Variants in TMEM38B observed in about 807,000 individuals in gnomAD.
The protein encoded by TMEM38B is trimeric intracellular cation channel type B.
TMEM38B carries 24 observed loss-of-function variants against 28.7 expected under a neutral mutation model. That is an observed-to-expected ratio of 0.84 (90% CI 0.61 to 1.18). The LOEUF is 1.18. TMEM38B is among the 50% of genes most tolerant of loss of function. The probability of loss-of-function intolerance (pLI) is 0.00; values close to 1 mark genes in which losing one functional copy is unlikely to be tolerated. For synonymous variants in TMEM38B, 131 were observed against 127.7 expected, an observed-to-expected ratio of 1.03 and a Z score of -0.17; for missense variants, 380 against 350.9, an observed-to-expected ratio of 1.08 and a Z score of -0.66.
chr9:105,758,900 T>C (rs956288054), intron 5 of TMEM38B: 9 of 1,187,672 alleles, frequency 7.6e-6, no homozygotes, highest in Admixed American at 3.4e-5. Context: ...TTTGGAGATA[T>C]GTTATTCTGA....
At chr9:105,761,201 C>G (rs1276827119) in intron 5 of TMEM38B, among the ~76,000 whole-genome samples, 2 of 152,166 alleles carry the variant, frequency 1.3e-5, no homozygotes, top group Non-Finnish European at 2.9e-5. Flanking sequence ...TTTGAAAACT[C>G]AGTGAGATAA....
intron 4 of TMEM38B, among the ~76,000 whole-genome samples, chr9:105,740,084 T>G (rs1837139613): frequency 6.6e-6 from 1 of 152,006 alleles, no homozygotes; most frequent in African/African-American, 2.4e-5. Flanking sequence ...GGTTTCACCA[T>G]GTTGGCCAGG....
At position 105,772,766 on chromosome 9, in the gene TMEM38B, GT is replaced by G. The variant is rs1259102027; in HGVS notation, c.661-1094del. Among the ~76,000 whole-genome samples the G allele has an allele frequency of 3.3e-5, 5 of 152,028 alleles. No individual in the cohort carries two copies. In the South Asian group the frequency reaches 1.0e-3, roughly 32 times the overall value. The stretch of plus-strand genomic sequence containing the variant: ...CTCTCACAATGTTGTGTGTGGATGT[GT>G]TTTTAATTTATATAAATGATAGTAC... On this transcript the variant is annotated intron_variant, in intron 5 of 5. Coordinates refer to ENST00000374692, the MANE Select transcript of TMEM38B (RefSeq NM_018112.3).
At chr9:105,699,571 T>C (rs1835396407) in intron 1 of TMEM38B, among the ~76,000 whole-genome samples, 1 of 152,212 alleles carries the variant, frequency 6.6e-6, no homozygotes, top group Non-Finnish European at 1.5e-5. Context: ...TTAACTCTTT[T>C]CTGCCTAAGG....
At chr9:105,731,452 C>T (rs535961411) in intron 4 of TMEM38B, among the ~76,000 whole-genome samples, 2 of 152,096 alleles carry the variant, frequency 1.3e-5, no homozygotes, top group South Asian at 2.1e-4. Flanking sequence ...CTATCCCTTC[C>T]CCCTCCCTCT....
In TMEM38B at chr9:105,747,908, G is replaced by C. The variant is rs184653840; in HGVS notation, c.543-165G>C. On this transcript the variant is annotated intron_variant, in intron 4 of 5. Coordinates refer to ENST00000374692, the MANE Select transcript of TMEM38B (RefSeq NM_018112.3). ...AGTTTTGAGTGAGTTTCTTAATCCT[G>C]TAACTCAGCACTTTCAACACTTTTT... Among the ~76,000 whole-genome samples the C allele has an allele frequency of 1.1e-4, 17 of 152,222 alleles. No homozygotes were observed. In the East Asian group the frequency reaches 1.4e-3, roughly 12 times the overall value.
intron 2 of TMEM38B, among the ~76,000 whole-genome samples, chr9:105,720,572 T>A (rs1836279267): frequency 6.6e-6 from 1 of 152,124 alleles, no homozygotes; most frequent in South Asian, 2.1e-4. Flanking sequence ...GACTATTGTA[T>A]CTTTTTATTT....
chr9:105,719,100 C>A (rs573216785), intron 2 of TMEM38B, among the ~76,000 whole-genome samples: 11 of 152,142 alleles, frequency 7.2e-5, no homozygotes, highest in Non-Finnish European at 1.5e-4. Flanking sequence ...AATGACTAAG[C>A]CTGGGAAGCT....
At position 105,774,095 on chromosome 9, in the gene TMEM38B, C is replaced by CTCTA. The variant is rs1564423123; in HGVS notation, c.*16_*19dup. 6.2e-7 allele frequency: 1 copy of CTCTA among 1,606,086 alleles called. No individual in the cohort carries two copies. Among genetic ancestry groups the CTCTA allele is most frequent in the Non-Finnish European group, 8.5e-7 (1 of 1,176,576 alleles). ...AGAATGAATAAATTTACGTGATGAG[C>CTCTA]TCTACAAGGCCAAAAATTTTTTTTC... On this transcript the variant is annotated 3_prime_UTR_variant, in exon 6 of 6. Transcript: ENST00000374692.
At position 105,721,581 on chromosome 9, in the gene TMEM38B, A is replaced by G. The variant is rs1836320347; in HGVS notation, c.314A>G (p.Tyr105Cys). The G allele has an allele frequency of 2.5e-6, 4 of 1,612,946 alleles. No homozygotes were observed. In the African/African-American group the frequency reaches 4.0e-5, roughly 16 times the overall value. The change falls in exon 3 of 6, where the codon TAT becomes TGT. Residue 105 changes from tyrosine to cysteine, a missense_variant. Physicochemically the swap from Tyr to Cys is radical, Grantham distance 194. Transcript: ENST00000374692. ...FCPHDLVSQG[Y>C]SYLPVQLLAS... ...CCGCATGACCTAGTTTCCCAGGGCT[A>G]TTCATATCTACCTGTTCAACTACTG...
chr9:105,774,714 A>G lies in TMEM38B; in HGVS notation c.*634A>G, dbSNP rs1362028576. Reference sequence around the variant, plus strand: ...ATTTTCTACTAGAAGTAGTTTTACTACTTTTCATTTAGAACAGAGTATGAG... The same window carrying G: ...ATTTTCTACTAGAAGTAGTTTTACTGCTTTTCATTTAGAACAGAGTATGAG... On this transcript the variant is annotated 3_prime_UTR_variant, in exon 6 of 6. Coordinates refer to ENST00000374692, the MANE Select transcript of TMEM38B (RefSeq NM_018112.3). 2 of 152,008 alleles carry G rather than the reference A, an allele frequency of 1.3e-5. No individual in the cohort carries two copies. Among genetic ancestry groups the G allele is most frequent in the Non-Finnish European group, 2.9e-5 (2 of 67,936 alleles). 9.4% of individuals were successfully genotyped at this position (152,008 alleles called of 1,614,324 possible).
At position 105,748,063 on chromosome 9, in the gene TMEM38B, T is replaced by A. The variant is rs778527358; in HGVS notation, c.543-10T>A. 1.3e-6 allele frequency: 2 copies of A among 1,592,126 alleles called. No individual in the cohort carries two copies. The highest frequency in any genetic ancestry group is 2.7e-5 in the African/African-American group (2 of 74,372). On this transcript the variant is annotated splice_polypyrimidine_tract_variant and intron_variant, in intron 4 of 5. Transcript: ENST00000374692. ...ATTACTTGCTGATTTAAAATGTGTT[T>A]TATTTTCAGCCCTGCCAAGGTAACC...
chr9:105,716,680 G>T (rs1836112055), intron 2 of TMEM38B, among the ~76,000 whole-genome samples: 1 of 111,042 alleles, frequency 9.0e-6, no homozygotes, highest in Admixed American at 9.2e-5. Context: ...CCACCCCTGA[G>T]ATAGCAAGAC....
chr9:105,732,210 A>C (rs966283482), intron 4 of TMEM38B, among the ~76,000 whole-genome samples: 1 of 151,920 alleles, frequency 6.6e-6, no homozygotes, highest in Non-Finnish European at 1.5e-5. Context: ...GGATATTAGC[A>C]CTTTGTCAGA....
chr9:105,711,426 C>T (rs1280061556), intron 2 of TMEM38B, among the ~76,000 whole-genome samples: 4 of 149,150 alleles, frequency 2.7e-5, no homozygotes, highest in Non-Finnish European at 5.9e-5. Flanking sequence ...GAGTAACAGA[C>T]CTAGACTCTG....
At chr9:105,759,871 A>G (rs545809442) in intron 5 of TMEM38B, 1 of 1,590,846 alleles carries the variant, frequency 6.3e-7, no homozygotes, top group South Asian at 1.2e-5. Context: ...AAGAAGTAGT[A>G]CAAGAAGGAA....
intron 5 of TMEM38B, 152 bp downstream of exon 5, chr9:105,748,342 A>G (rs1169228187): frequency 1.7e-6 from 1 of 596,036 alleles, no homozygotes; most frequent in Non-Finnish European, 2.9e-6. Flanking sequence ...CACATCCATG[A>G]CTTTCTGAAA....
chr9:105,697,727 A>G (rs971708491), intron 1 of TMEM38B, among the ~76,000 whole-genome samples: 2 of 152,114 alleles, frequency 1.3e-5, no homozygotes, highest in African/African-American at 4.8e-5. Flanking sequence ...CTTTTATTGC[A>G]GAAGTTTAAA....
intron 4 of TMEM38B, among the ~76,000 whole-genome samples, chr9:105,725,976 CCTTTA>C (rs1330000528): frequency 4.0e-5 from 6 of 151,634 alleles, no homozygotes; most frequent in Admixed American, 2.6e-4. Flanking sequence ...AAAAAATTTC[CCTTTA>C]CTTATTTTTA....
Sources: gnomAD v4.1 joint callset for allele counts (sites outside exome capture counted in the v4.1 genomes callset) on GRCh38, gnomAD v4.1.1 for gene constraint, MANE v1.5 for transcripts, NCBI Gene and HGNC (gene_info 2026-07-23, HGNC 2026-07-21) for gene names.